CELF2: variants seen among roughly 807,000 people sequenced by gnomAD.
CELF2 encodes the protein CUG triplet repeat RNA-binding protein 2.
In CELF2, 8 loss-of-function variants were observed where a neutral mutation model predicts 62.6. That is an observed-to-expected ratio of 0.13 (90% CI 0.07 to 0.23). The LOEUF is 0.23. CELF2 is among the 10% of genes least tolerant of loss of function. The probability of loss-of-function intolerance (pLI) is 1.00; values close to 1 mark genes in which losing one functional copy is unlikely to be tolerated. For missense variants in CELF2, 333 were observed against 671.0 expected (o/e 0.50, Z 5.56); for synonymous variants, 258 against 250.0 (o/e 1.03, Z -0.30).
At position 11,057,539 on chromosome 10, in the gene CELF2, G is replaced by T. The variant is rs559652106; in HGVS notation, c.74+39376G>T. On this transcript the variant is annotated intron_variant, in intron 1 of 12. Coordinates refer to ENST00000633077, the MANE Select transcript of CELF2 (RefSeq NM_001326342.2). The stretch of plus-strand genomic sequence containing the variant: ...AAAGGAGCCTCAGCCACGGCCTTGT[G>T]GGGGAGGATAGCATTTGAATAAGTG... Among the ~76,000 whole-genome samples, 5 of 152,288 alleles carry T rather than the reference G, an allele frequency of 3.3e-5. No homozygotes were observed. In the South Asian group the frequency reaches 1.0e-3, roughly 32 times the overall value.
At position 11,309,750 on chromosome 10, in the gene CELF2, T is replaced by G. The variant is rs1314076182; in HGVS notation, c.977-4389T>G. Among the ~76,000 whole-genome samples the G allele has an allele frequency of 1.3e-5, 2 of 152,192 alleles. No individual in the cohort carries two copies. The highest frequency in any genetic ancestry group is 4.8e-5 in the African/African-American group (2 of 41,452). On this transcript the variant is annotated intron_variant, in intron 9 of 12. Transcript: ENST00000633077. This position sits in a 1 kb window ranked among gnomAD's most constrained non-coding sequence, Gnocchi z 5.6. ...TTTCCCTGCCCTCTCTGCTAAGCTT[T>G]CAGCTGGTCTACTTTGCCATCATGG...
At chr10:11,222,078 C>A (rs370608800) in intron 3 of CELF2, among the ~76,000 whole-genome samples, 46 of 152,332 alleles carry the variant, frequency 3.0e-4, no homozygotes, top group Middle Eastern at 3.4e-3. Flanking sequence ...TGGGTAGGCA[C>A]CTTCCTCCCA....
intron 1 of CELF2, among the ~76,000 whole-genome samples, chr10:10,802,517 G>A (rs1378979233): frequency 6.6e-6 from 1 of 151,334 alleles, no homozygotes; most frequent in African/African-American, 2.4e-5. Flanking sequence ...CATATGCTGA[G>A]TGCAACAAGA....
At chr10:10,528,154 C>CTA in the CELF2 span, among the ~76,000 whole-genome samples, 2 of 106,518 alleles carry the variant, frequency 1.9e-5, no homozygotes, top group African/African-American at 3.2e-5. Context: ...AGATAGATTC[C>CTA]TGTTTTGTGT....
chr10:10,984,621 C>G (rs1306083886), intron 2 of CELF2, among the ~76,000 whole-genome samples: 1 of 152,120 alleles, frequency 6.6e-6, no homozygotes, highest in Admixed American at 6.5e-5. Context: ...CATGCATGCC[C>G]TCCCTTTAAA....
chr10:11,124,578 T>C (rs1402203153), intron 1 of CELF2, among the ~76,000 whole-genome samples: 1 of 152,202 alleles, frequency 6.6e-6, no homozygotes, highest in East Asian at 1.9e-4. Flanking sequence ...TTGGAGATCA[T>C]TTGTGTCAGG....
At chr10:10,645,929 G>C in the CELF2 span, among the ~76,000 whole-genome samples, 1 of 152,224 alleles carries the variant, frequency 6.6e-6, no homozygotes, top group African/African-American at 2.4e-5. Flanking sequence ...CTGGCTGGCT[G>C]AGACTGACAT....
the CELF2 span, among the ~76,000 whole-genome samples, chr10:10,733,851 G>A: frequency 2.6e-5 from 4 of 152,170 alleles, no homozygotes; most frequent in Admixed American, 6.5e-5. Context: ...TGAGATTTGG[G>A]TGGGGACAGA....
At chr10:11,002,321 G>A (rs989600488), upstream of CELF2, among the ~76,000 whole-genome samples, 2 of 152,198 alleles carry the variant, frequency 1.3e-5, no homozygotes, top group Non-Finnish European at 2.9e-5. The surrounding 1 kb of genome is among the most constrained non-coding windows in gnomAD (Gnocchi z 4.4). Flanking sequence ...CCTACAACAC[G>A]TGGGAATTTT....
At chr10:10,708,064 C>T in the CELF2 span, among the ~76,000 whole-genome samples, 2 of 152,154 alleles carry the variant, frequency 1.3e-5, no homozygotes, top group Non-Finnish European at 2.9e-5. Flanking sequence ...TAAACAAAGG[C>T]TTTAGGAGCT....
At chr10:10,715,894 C>T in the CELF2 span, among the ~76,000 whole-genome samples, 2 of 152,198 alleles carry the variant, frequency 1.3e-5, no homozygotes, top group Non-Finnish European at 2.9e-5. Context: ...TTCCTGGCAT[C>T]TGTGAAATAT....
intron 1 of CELF2, among the ~76,000 whole-genome samples, chr10:11,091,080 A>T (rs1452585745): frequency 6.6e-6 from 1 of 152,176 alleles, no homozygotes; most frequent in Admixed American, 6.5e-5. Flanking sequence ...ATTCCTTTTG[A>T]ATAGGATGAT....
At chr10:10,464,822 TTA>T in the CELF2 span, among the ~76,000 whole-genome samples, 1 of 152,126 alleles carries the variant, frequency 6.6e-6, no homozygotes, top group Admixed American at 6.6e-5. Flanking sequence ...AACACTGAAA[TTA>T]TGTTAGTTAG....
the CELF2 span, among the ~76,000 whole-genome samples, chr10:10,597,426 G>A: frequency 6.6e-6 from 1 of 152,152 alleles, no homozygotes; most frequent in African/African-American, 2.4e-5. Context: ...GCACATTTCA[G>A]TGTGCTGTGG....
At chr10:10,830,657 A>C (rs1049149211) in intron 1 of CELF2, among the ~76,000 whole-genome samples, 2 of 152,198 alleles carry the variant, frequency 1.3e-5, no homozygotes, top group Non-Finnish European at 2.9e-5. Flanking sequence ...GAAGTCAGTC[A>C]AAAACAAGCC....
At chr10:11,190,615 T>TA (rs1565190076) in intron 2 of CELF2, among the ~76,000 whole-genome samples, 70 of 149,572 alleles carry the variant, frequency 4.7e-4, no homozygotes, top group Admixed American at 8.7e-4. Context: ...AATTGTTCTT[T>TA]TAAAAAAAAA....
At chr10:11,141,507 C>G (rs1221028899) in intron 1 of CELF2, among the ~76,000 whole-genome samples, 1 of 152,198 alleles carries the variant, frequency 6.6e-6, no homozygotes, top group African/African-American at 2.4e-5. Context: ...TTTTAAGGAC[C>G]TGGTGCAACA....
At chr10:10,862,721 A>G (rs1564733865) in intron 1 of CELF2, among the ~76,000 whole-genome samples, 1 of 152,196 alleles carries the variant, frequency 6.6e-6, no homozygotes, top group Non-Finnish European at 1.5e-5. Flanking sequence ...TCAACATACC[A>G]TGTAATGTTG....
At chr10:10,726,544 T>C in the CELF2 span, among the ~76,000 whole-genome samples, 1 of 152,190 alleles carries the variant, frequency 6.6e-6, no homozygotes, top group Non-Finnish European at 1.5e-5. Context: ...TTTTAGAATC[T>C]TCCTAAGTTT....
Sources: gnomAD v4.1 joint callset for allele counts (sites outside exome capture counted in the v4.1 genomes callset) on GRCh38, gnomAD v4.1.1 for gene constraint, Gnocchi (gnomAD v3.1) non-coding constraint, MANE v1.5 for transcripts, NCBI Gene and HGNC (gene_info 2026-07-23, HGNC 2026-07-21) for gene names.